PLEKHM3: variants seen among roughly 807,000 people sequenced by gnomAD.
PLEKHM3 encodes the protein pleckstrin homology domain-containing family M member 3.
In PLEKHM3, 45 loss-of-function variants were observed where a neutral mutation model predicts 81.8. That is an observed-to-expected ratio of 0.55 (90% CI 0.43 to 0.71). The LOEUF is 0.71. Among genes scored for constraint, PLEKHM3 ranks in the 30% least tolerant of loss-of-function variants. The pLI is 0.00. For missense variants in PLEKHM3, 788 were observed against 924.3 expected (o/e 0.85, Z 1.91); for synonymous variants, 352 against 356.4 (o/e 0.99, Z 0.14).
intron 4 of PLEKHM3, among the ~76,000 whole-genome samples, chr2:207,934,041 G>A (rs1226656742): frequency 1.3e-5 from 2 of 152,004 alleles, no homozygotes; most frequent in Admixed American, 1.3e-4. Context: ...AGTTCTAAAT[G>A]ACCCTCCACA....
chr2:207,888,687 C>G (rs73983626), intron 6 of PLEKHM3, among the ~76,000 whole-genome samples: 3,206 of 152,326 alleles, frequency 0.021, 108 homozygotes, highest in African/African-American at 0.073. Flanking sequence ...AGCCACCATG[C>G]CAGCCCCTTC....
At chr2:207,868,029 C>T (rs1199238278) in intron 6 of PLEKHM3, among the ~76,000 whole-genome samples, 1 of 152,128 alleles carries the variant, frequency 6.6e-6, no homozygotes, top group East Asian at 1.9e-4. Context: ...GGCATCCTGG[C>T]CAACAAGTAC....
intron 6 of PLEKHM3, among the ~76,000 whole-genome samples, chr2:207,882,567 G>C (rs181839365): frequency 7.2e-6 from 1 of 139,424 alleles, no homozygotes; most frequent in African/African-American, 2.7e-5. Context: ...AGCCCAGATC[G>C]CGTCATTGCA....
chr2:207,945,626 A>G (rs756008006), intron 4 of PLEKHM3, among the ~76,000 whole-genome samples: 32 of 152,270 alleles, frequency 2.1e-4, no homozygotes, highest in Middle Eastern at 6.8e-3. Flanking sequence ...ATCTCGGACC[A>G]CACAGTGGCT....
chr2:208,012,614 G>C (rs1692740612), intron 1 of PLEKHM3, among the ~76,000 whole-genome samples: 1 of 152,214 alleles, frequency 6.6e-6, no homozygotes, highest in Non-Finnish European at 1.5e-5. Context: ...CAGTGTGAGA[G>C]AAGTGTGGCA....
intron 3 of PLEKHM3, among the ~76,000 whole-genome samples, chr2:207,973,072 G>C (rs1025264612): frequency 6.6e-6 from 1 of 152,198 alleles, no homozygotes; most frequent in Non-Finnish European, 1.5e-5. Flanking sequence ...GAAATACAGT[G>C]AATTAGCCTC....
chr2:207,942,403 T>C (rs1553558559), intron 4 of PLEKHM3, among the ~76,000 whole-genome samples: 1 of 151,782 alleles, frequency 6.6e-6, no homozygotes, highest in Non-Finnish European at 1.5e-5. Context: ...TCCCAGCTAG[T>C]TGGGAGGCTG....
At chr2:207,901,204 A>G (rs1000823294) in intron 6 of PLEKHM3, 2 of 701,182 alleles carry the variant, frequency 2.9e-6, no homozygotes, top group African/African-American at 3.5e-5. Flanking sequence ...AAAGGCAGTG[A>G]CTTTGTCCTT....
intron 7 of PLEKHM3, among the ~76,000 whole-genome samples, chr2:207,839,386 GTGATTAGT>G (rs1191837988): frequency 6.6e-6 from 1 of 152,178 alleles, no homozygotes; most frequent in African/African-American, 2.4e-5. Flanking sequence ...TATGAGCAGT[GTGATTAGT>G]TGCTTATGAA....
intron 1 of PLEKHM3, among the ~76,000 whole-genome samples, chr2:208,003,123 T>C (rs754715289): frequency 6.6e-6 from 1 of 152,168 alleles, no homozygotes; most frequent in African/African-American, 2.4e-5. Context: ...TGTGCTGTTA[T>C]TGTGATAGTG....
chr2:207,980,295 A>G (rs1041500685), intron 2 of PLEKHM3, among the ~76,000 whole-genome samples: 1 of 152,136 alleles, frequency 6.6e-6, no homozygotes, highest in African/African-American at 2.4e-5. Context: ...GCCTGGCTAA[A>G]ACCTCACTTC....
At chr2:207,914,884 AATC>A (rs1424785103) in intron 5 of PLEKHM3, among the ~76,000 whole-genome samples, 2 of 152,146 alleles carry the variant, frequency 1.3e-5, no homozygotes, top group Non-Finnish European at 2.9e-5. Flanking sequence ...AGGGGCTATT[AATC>A]ATCATGTCTG....
At chr2:208,016,668 A>AAAAACACAC (rs1553568085) in intron 1 of PLEKHM3, among the ~76,000 whole-genome samples, 1 of 61,554 alleles carries the variant, frequency 1.6e-5, no homozygotes, top group African/African-American at 4.5e-5. Flanking sequence ...AAAAAAAAAA[A>AAAAACACAC]ATACACACAC....
Position 207,822,075 on chromosome 2 carries a change from T to C in PLEKHM3, c.*6244A>G, listed in dbSNP as rs946429096. 2.0e-5 allele frequency: 3 copies of C among 152,180 alleles called. No individual in the cohort carries two copies. Among genetic ancestry groups the C allele is most frequent in the African/African-American group, 4.8e-5 (2 of 41,380 alleles). 9.4% of individuals were successfully genotyped at this position (152,180 alleles called of 1,614,324 possible). On this transcript the variant is annotated 3_prime_UTR_variant, in exon 8 of 8. Coordinates refer to ENST00000427836, the MANE Select transcript of PLEKHM3 (RefSeq NM_001080475.3). ...AATCTACCCACTTCAGCCTCCCAAATAGCTGGGACTGTAGGCACATGCCAC... is the reference window on the plus strand; with the variant it reads ...AATCTACCCACTTCAGCCTCCCAAACAGCTGGGACTGTAGGCACATGCCAC...
At chr2:207,898,003 G>A (rs1388708376) in intron 6 of PLEKHM3, among the ~76,000 whole-genome samples, 2 of 152,186 alleles carry the variant, frequency 1.3e-5, no homozygotes, top group African/African-American at 4.8e-5. Flanking sequence ...TCCACTTTCA[G>A]AGTCCAGCTG....
chr2:208,001,276 T>C lies in PLEKHM3; in HGVS notation c.364A>G (p.Ile122Val), dbSNP rs1425036811. ...KEASTFNFFN[I>V]CQRRRDRPRS... is the part of the protein sequence containing the mutation. Reference sequence around the variant, plus strand: ...GGCCGGTCCCTCCGACGCTGACAGATATTGAAGAAATTAAAGGTTGATGCT... The same window carrying C: ...GGCCGGTCCCTCCGACGCTGACAGACATTGAAGAAATTAAAGGTTGATGCT... The change falls in exon 2 of 8, where the codon ATC becomes GTC. Residue 122 changes from isoleucine to valine, a missense_variant. Coordinates refer to ENST00000427836, the MANE Select transcript of PLEKHM3 (RefSeq NM_001080475.3). 6.2e-7 allele frequency: 1 copy of C among 1,614,178 alleles called. No individual in the cohort carries two copies. The highest frequency in any genetic ancestry group is 2.2e-5 in the East Asian group (1 of 44,878).
chr2:207,854,542 TTC>T (rs1168874551), intron 7 of PLEKHM3, among the ~76,000 whole-genome samples: 1 of 152,240 alleles, frequency 6.6e-6, no homozygotes, highest in Non-Finnish European at 1.5e-5. Context: ...AACTCTGTAT[TTC>T]TGACTAAAAT....
At chr2:207,948,868 G>A (rs926997700) in intron 3 of PLEKHM3, among the ~76,000 whole-genome samples, 1 of 152,008 alleles carries the variant, frequency 6.6e-6, no homozygotes, top group Admixed American at 6.6e-5. Context: ...CAGTAGAGAC[G>A]GGGCTTCGCT....
At chr2:207,968,494 G>A (rs1246073456) in intron 3 of PLEKHM3, among the ~76,000 whole-genome samples, 2 of 152,170 alleles carry the variant, frequency 1.3e-5, no homozygotes, top group African/African-American at 4.8e-5. Context: ...TGGCCATGAT[G>A]GCTTGACCCT....
Sources: allele counts gnomAD v4.1 joint callset (sites outside exome capture counted in the v4.1 genomes callset), GRCh38; gene constraint gnomAD v4.1.1; transcripts MANE v1.5; gene names NCBI Gene and HGNC (gene_info 2026-07-23, HGNC 2026-07-21).